The following RFX4 variants were observed in gnomAD, a reference collection of about 807,000 sequenced individuals.
RFX4 encodes the protein regulatory factor X4.
A neutral mutation model predicts 95.0 loss-of-function variants in RFX4; 10 were observed. The ratio of observed to expected loss-of-function variants is 0.11; its 90% CI spans 0.06 to 0.18. The LOEUF (loss-of-function observed/expected upper bound fraction) is 0.18, where lower values mean the gene tolerates loss of function less well. Among genes scored for constraint, RFX4 ranks in the 10% least tolerant of loss-of-function variants. The pLI, the probability that RFX4 is intolerant of heterozygous loss-of-function variation, is 1.00. For synonymous variants in RFX4, 321 were observed against 340.7 expected (o/e 0.94, Z 0.64); for missense variants, 640 against 922.0 (o/e 0.69, Z 3.96).
chr12:106,591,200 G>A (rs1237250623), intron 1 of RFX4, among the ~76,000 whole-genome samples: 1 of 148,998 alleles, frequency 6.7e-6, no homozygotes, highest in Admixed American at 6.7e-5. Context: ...AACATACGTA[G>A]CATTTTAGCA....
chr12:106,678,718 A>G (rs2041445515), intron 4 of RFX4, among the ~76,000 whole-genome samples: 1 of 152,222 alleles, frequency 6.6e-6, no homozygotes, highest in Non-Finnish European at 1.5e-5. Context: ...CTATATTTTT[A>G]CAAACAATTC....
chr12:106,681,730 A>G (rs2041518960), intron 4 of RFX4, among the ~76,000 whole-genome samples: 1 of 152,104 alleles, frequency 6.6e-6, no homozygotes, highest in African/African-American at 2.4e-5. Context: ...GACCAACCAG[A>G]ACTCTCCTTC....
intron 1 of RFX4, among the ~76,000 whole-genome samples, chr12:106,594,649 A>G (rs1000002186): frequency 1.3e-5 from 2 of 152,178 alleles, no homozygotes; most frequent in African/African-American, 4.8e-5. Flanking sequence ...TGTACTGGGC[A>G]GCCTCGCACA....
intron 1 of RFX4, among the ~76,000 whole-genome samples, chr12:106,589,156 T>A (rs1309804538): frequency 6.6e-6 from 1 of 152,166 alleles, no homozygotes; most frequent in Admixed American, 6.5e-5. Flanking sequence ...TGCAATTTTA[T>A]TAAGGTTTAG....
At chr12:106,679,938 C>T (rs1274017218) in intron 4 of RFX4, among the ~76,000 whole-genome samples, 3 of 152,122 alleles carry the variant, frequency 2.0e-5, no homozygotes, top group Non-Finnish European at 4.4e-5. Context: ...TGAATCACTG[C>T]CTTTTACTCA....
At chr12:106,735,673 C>T (rs1018521063) in intron 15 of RFX4, among the ~76,000 whole-genome samples, 1 of 150,566 alleles carries the variant, frequency 6.6e-6, no homozygotes, top group African/African-American at 2.5e-5. Flanking sequence ...TATGTTTATT[C>T]ATGTATATAT....
chr12:106,711,165 A>C (rs1418125923), intron 9 of RFX4, among the ~76,000 whole-genome samples: 1 of 152,148 alleles, frequency 6.6e-6, no homozygotes, highest in Non-Finnish European at 1.5e-5. Context: ...AATTGCTTTT[A>C]CTCACGGTTG....
At chr12:106,621,137 C>A (rs941543738) in intron 2 of RFX4, among the ~76,000 whole-genome samples, 1 of 152,116 alleles carries the variant, frequency 6.6e-6, no homozygotes, top group Non-Finnish European at 1.5e-5. Flanking sequence ...CCTGAGGTGA[C>A]GTACATCCTC....
intron 4 of RFX4, among the ~76,000 whole-genome samples, chr12:106,674,568 G>A (rs1170151889): frequency 6.6e-6 from 1 of 151,604 alleles, no homozygotes. Context: ...TGACCTTAGT[G>A]ATCTGCCTGC....
At chr12:106,689,166 G>T in intron 6 of RFX4, 121 bp from the exon 7 acceptor site, 1 of 832,946 alleles carries the variant, frequency 1.2e-6, no homozygotes, top group Non-Finnish European at 2.1e-6. Flanking sequence ...GGCTGAGCCG[G>T]TGTTAGGTGA....
At chr12:106,659,699 G>A (rs1235796532) in intron 4 of RFX4, among the ~76,000 whole-genome samples, 1 of 152,144 alleles carries the variant, frequency 6.6e-6, no homozygotes, top group Admixed American at 6.5e-5. Flanking sequence ...CCATTCCATG[G>A]ATGGCAAACT....
At chr12:106,760,312 T>G (rs1208702037) in intron 17 of RFX4, among the ~76,000 whole-genome samples, 1 of 152,164 alleles carries the variant, frequency 6.6e-6, no homozygotes, top group African/African-American at 2.4e-5. Flanking sequence ...CTTCCTCCCC[T>G]CTGATCCTAC....
intron 2 of RFX4, among the ~76,000 whole-genome samples, chr12:106,634,598 C>G (rs928064860): frequency 6.6e-6 from 1 of 152,180 alleles, no homozygotes; most frequent in Non-Finnish European, 1.5e-5. Context: ...CCATACTCAC[C>G]TGGATCCACT....
In RFX4 at chr12:106,668,070, G is replaced by A. The variant is rs559654847; in HGVS notation, c.315+13719G>A. On this transcript the variant is annotated intron_variant, in intron 4 of 17. Coordinates refer to ENST00000392842, the MANE Select transcript of RFX4 (RefSeq NM_213594.3). ...TCAATAGTGGCTTAAATAAATTAGT[G>A]GTCTTACTTTTCTCACATAAACTAA... Among the ~76,000 whole-genome samples the A allele has an allele frequency of 2.6e-5, 4 of 152,248 alleles. No individual in the cohort carries two copies. The South Asian group carries it at 8.3e-4, about 32-fold the overall frequency.
intron 17 of RFX4, among the ~76,000 whole-genome samples, chr12:106,757,042 T>C (rs2043120973): frequency 6.6e-6 from 1 of 152,202 alleles, no homozygotes; most frequent in Admixed American, 6.5e-5. Flanking sequence ...TCATTTCCCT[T>C]CTCTTGACCT....
chr12:106,715,214 A>ATCCT, intron 10 of RFX4, 186 bp from the exon 11 acceptor site: 1 of 631,906 alleles, frequency 1.6e-6, no homozygotes, highest in South Asian at 2.3e-5. Context: ...GAACCATAGG[A>ATCCT]GAAAACAGTG....
Position 106,607,827 on chromosome 12 carries a change from A to G in RFX4, c.44-970A>G, listed in dbSNP as rs149716452. 7.9e-4 allele frequency among the ~76,000 whole-genome samples: 121 copies of G among 152,288 alleles called. No individual in the cohort carries two copies. In the East Asian group the frequency reaches 0.022, roughly 27 times the overall value. On this transcript the variant is annotated intron_variant, in intron 1 of 17. Transcript: ENST00000392842. ...GAAAACAGAATAAGTATTACACTAC[A>G]TTGCAAAAAATACATTGGTAGCCTT... is the stretch of plus-strand genomic sequence containing the variant.
Position 106,696,390 on chromosome 12 carries a change from C to T in RFX4, c.777C>T (p.Leu259=). Reference sequence around the variant, plus strand: ...TTGTCGGCGTGTGTGACTCCATCCTCTACAAAGCTATCTCCGGGGTGCTGA... The same window carrying T: ...TTGTCGGCGTGTGTGACTCCATCCTTTACAAAGCTATCTCCGGGGTGCTGA... ...VNIVGVCDSI[L]YKAISGVLMP... The change falls in exon 8 of 18, where the codon CTC becomes CTT. Residue 259 remains leucine (L), a synonymous_variant. Coordinates refer to ENST00000392842, the MANE Select transcript of RFX4 (RefSeq NM_213594.3). 1 of 1,614,160 alleles carries T rather than the reference C, an allele frequency of 6.2e-7. No individual in the cohort carries two copies. Among genetic ancestry groups the T allele is most frequent in the African/African-American group, 1.3e-5 (1 of 75,054 alleles).
intron 1 of RFX4, among the ~76,000 whole-genome samples, chr12:106,592,109 G>A (rs2039556535): frequency 6.6e-6 from 1 of 151,908 alleles, no homozygotes; most frequent in African/African-American, 2.4e-5. Flanking sequence ...AAAGTTGCTC[G>A]GTAAAAGGCA....
Sources: gnomAD v4.1 joint callset for allele counts (sites outside exome capture counted in the v4.1 genomes callset) on GRCh38, gnomAD v4.1.1 for gene constraint, MANE v1.5 for transcripts, NCBI Gene and HGNC (gene_info 2026-07-23, HGNC 2026-07-21) for gene names.